Variants in ARHGAP40 observed in about 807,000 individuals in gnomAD.
ARHGAP40 encodes the protein rho GTPase-activating protein 40.
Under a neutral mutation model 73.5 loss-of-function variants are expected in ARHGAP40, and 43 were observed. The observed-to-expected ratio is 0.58, with a 90% confidence interval of 0.46 to 0.75. The LOEUF (loss-of-function observed/expected upper bound fraction) is 0.75, where lower values mean the gene tolerates loss of function less well. Ranked by LOEUF, ARHGAP40 falls within the 30% of genes least tolerant of loss-of-function variation. The pLI is 0.00. For missense variants in ARHGAP40, 734 were observed against 861.8 expected, an observed-to-expected ratio of 0.85 and a Z score of 1.86; for synonymous variants, 300 against 352.8, an observed-to-expected ratio of 0.85 and a Z score of 1.68.
intron 2 of ARHGAP40, among the ~76,000 whole-genome samples, chr20:38,626,573 G>A (rs535419672): frequency 2.6e-5 from 4 of 152,306 alleles, no homozygotes; most frequent in African/African-American, 7.2e-5. Flanking sequence ...CTTGAATATG[G>A]AGGACTTCCC....
intron 14 of ARHGAP40, 106 bp from the exon 15 acceptor site, chr20:38,649,651 T>G: frequency 1.7e-6 from 1 of 584,486 alleles, no homozygotes; most frequent in South Asian, 1.7e-5. Flanking sequence ...GCAGTCAAGA[T>G]GCATACAGCC....
chr20:38,637,559 G>A lies in ARHGAP40; in HGVS notation c.950-149G>A, dbSNP rs1299339072. The stretch of plus-strand genomic sequence containing the variant: ...TGAGGCCTAATGTTCTGCTCAAGAG[G>A]AGCGGTTTGGGTCCAACCATTCTCT... On this transcript the variant is annotated intron_variant, in intron 6 of 14. Transcript: ENST00000373345. 9 of 464,202 alleles carry A rather than the reference G, an allele frequency of 1.9e-5. No homozygotes were observed. In the East Asian group the frequency reaches 5.8e-4, roughly 30 times the overall value. The allele number at this position is 464,202 out of a possible 1,614,324, so 28.8% of individuals were successfully genotyped here. A position where few individuals can be genotyped will look rare whatever the true frequency, so the allele number is the denominator to read the frequency against.
chr20:38,624,572 G>A (rs2088889561), intron 2 of ARHGAP40, among the ~76,000 whole-genome samples: 1 of 152,100 alleles, frequency 6.6e-6, no homozygotes, highest in South Asian at 2.1e-4. Flanking sequence ...ACCCTGACTG[G>A]CTGTCACTCT....
intron 1 of ARHGAP40, among the ~76,000 whole-genome samples, chr20:38,621,184 G>A (rs1478037657): frequency 6.6e-6 from 1 of 152,162 alleles, no homozygotes; most frequent in Non-Finnish European, 1.5e-5. Context: ...CAAGATGGGG[G>A]CTAAGCAGGC....
chr20:38,611,194 G>A (rs1212164208), intron 1 of ARHGAP40, among the ~76,000 whole-genome samples: 1 of 151,864 alleles, frequency 6.6e-6, no homozygotes, highest in African/African-American at 2.4e-5. Context: ...CCATTGTGAT[G>A]TCTATTTTAA....
At chr20:38,614,816 T>C in intron 1 of ARHGAP40, 2 of 711,572 alleles carry the variant, frequency 2.8e-6, no homozygotes, top group South Asian at 3.4e-5. Flanking sequence ...ACGTTTTTCA[T>C]GCATTCAAAA....
intron 9 of ARHGAP40, among the ~76,000 whole-genome samples, chr20:38,640,276 G>C (rs1292896869): frequency 6.7e-6 from 1 of 149,144 alleles, no homozygotes; most frequent in African/African-American, 2.5e-5. Flanking sequence ...GAGTGCAGTG[G>C]CATGATCCTA....
intron 13 of ARHGAP40, 117 bp downstream of exon 13, chr20:38,647,243 C>A: frequency 1.1e-6 from 1 of 921,544 alleles, no homozygotes; most frequent in Non-Finnish European, 1.4e-6. Context: ...CCTTCCCTTT[C>A]TGGGGTGGTC....
At chr20:38,641,632 C>G in intron 9 of ARHGAP40, 94 bp from the exon 10 acceptor site, 2 of 929,160 alleles carry the variant, frequency 2.2e-6, no homozygotes, top group African/African-American at 1.8e-5. Context: ...TGTCCCCTGG[C>G]TTTCCAGCTC....
chr20:38,627,856 T>C lies in ARHGAP40; in HGVS notation c.558+641T>C, dbSNP rs1009707112. Among the ~76,000 whole-genome samples, 95 of 152,158 alleles carry C rather than the reference T, an allele frequency of 6.2e-4. 1 individual carries two copies. The highest frequency in any genetic ancestry group is 2.0e-3 in the African/African-American group (84 of 41,426). On this transcript the variant is annotated intron_variant, in intron 3 of 14. Coordinates refer to ENST00000373345, the Ensembl canonical transcript of ARHGAP40. The stretch of plus-strand genomic sequence containing the variant: ...GGGTGAGCCTGAAAGCCTAGGTTCT[T>C]TCTATATAATTGTTATTGATGCAGG...
intron 6 of ARHGAP40, among the ~76,000 whole-genome samples, chr20:38,637,249 G>A (rs1022652733): frequency 2.6e-5 from 4 of 151,676 alleles, no homozygotes; most frequent in African/African-American, 9.7e-5. Context: ...GGATTCAAGC[G>A]ATTCTCCTGC....
intron 1 of ARHGAP40, among the ~76,000 whole-genome samples, chr20:38,613,035 A>G (rs2088812748): frequency 6.6e-6 from 1 of 152,280 alleles, no homozygotes; most frequent in Non-Finnish European, 1.5e-5. Context: ...TCACTTAGAG[A>G]CACAGACCCA....
At position 38,641,461 on chromosome 20, in the gene ARHGAP40, G is replaced by C. The variant is rs2145613154; in HGVS notation, c.1280-265G>C. Among the ~76,000 whole-genome samples the C allele has an allele frequency of 1.3e-5, 2 of 152,298 alleles. 1 individual carries two copies. The highest frequency in any genetic ancestry group is 4.1e-4 in the South Asian group (2 of 4,828). On this transcript the variant is annotated intron_variant, in intron 9 of 14. Coordinates refer to ENST00000373345, the Ensembl canonical transcript of ARHGAP40. ...TGGGCTGCAGCCTGGACTGCATCTAGGTCTGTGCGGCATGTGCTTGCCTGC... is the reference window on the plus strand; with the variant it reads ...TGGGCTGCAGCCTGGACTGCATCTACGTCTGTGCGGCATGTGCTTGCCTGC...
intron 6 of ARHGAP40, among the ~76,000 whole-genome samples, chr20:38,635,216 T>G (rs1476748143): frequency 6.6e-6 from 1 of 152,186 alleles, no homozygotes; most frequent in African/African-American, 2.4e-5. Context: ...TGTTTACATT[T>G]TTTTTTCTGC....
chr20:38,639,667 A>G (rs889985482), intron 9 of ARHGAP40, among the ~76,000 whole-genome samples: 1 of 152,238 alleles, frequency 6.6e-6, no homozygotes, highest in African/African-American at 2.4e-5. Flanking sequence ...TAGTTCTCAC[A>G]TGGATGAGTG....
Position 38,643,927 on chromosome 20 carries a change from G to T in ARHGAP40, c.1569+17G>T. The T allele has an allele frequency of 1.6e-6, 2 of 1,282,978 alleles. No homozygotes were observed. Among genetic ancestry groups the T allele is most frequent in the East Asian group, 5.6e-5 (1 of 17,798 alleles). 79.5% of individuals were successfully genotyped at this position (1,282,978 alleles called of 1,614,324 possible). On this transcript the variant is annotated intron_variant, in intron 11 of 14. Transcript: ENST00000373345. ...CTGTGGACGGTGAGTGCTGCTGGGC[G>T]CTGGGTATCCCTCTGGGTGCAGCTG... is the stretch of plus-strand genomic sequence containing the variant.
At chr20:38,608,279 T>A (rs2088783984) in intron 1 of ARHGAP40, among the ~76,000 whole-genome samples, 1 of 152,064 alleles carries the variant, frequency 6.6e-6, no homozygotes, top group Non-Finnish European at 1.5e-5. Context: ...GATTTGCATA[T>A]CTCATTTCCT....
chr20:38,644,496 C>A (rs1196597862), intron 11 of ARHGAP40, among the ~76,000 whole-genome samples: 1 of 152,102 alleles, frequency 6.6e-6, no homozygotes, highest in Non-Finnish European at 1.5e-5. Context: ...CCTAGCGATG[C>A]GTAGCCTCTT....
intron 9 of ARHGAP40, among the ~76,000 whole-genome samples, chr20:38,640,060 C>T (rs575855763): frequency 6.6e-5 from 10 of 152,258 alleles, no homozygotes; most frequent in Admixed American, 3.3e-4. Context: ...TTGATTCTCA[C>T]GACCGCAGCG....
Sources: gnomAD v4.1 joint callset for allele counts (sites outside exome capture counted in the v4.1 genomes callset) on GRCh38, gnomAD v4.1.1 for gene constraint, MANE v1.5 for transcripts, NCBI Gene and HGNC (gene_info 2026-07-23, HGNC 2026-07-21) for gene names.